EPM2A: variants seen among roughly 807,000 people sequenced by gnomAD.
The protein encoded by EPM2A is EPM2A glucan phosphatase, laforin, also known as laforin.
In EPM2A, 21 loss-of-function variants were observed where a neutral mutation model predicts 26.5. That is an observed-to-expected ratio of 0.79 (90% CI 0.56 to 1.14). The LOEUF (loss-of-function observed/expected upper bound fraction) is 1.14. Ranked by LOEUF, EPM2A falls within the 50% of genes most tolerant of loss-of-function variation. The pLI, the probability that EPM2A is intolerant of heterozygous loss-of-function variation, is 0.00. For missense variants in EPM2A, 458 were observed against 440.8 expected, an observed-to-expected ratio of 1.04 and a Z score of -0.35; for synonymous variants, 217 against 177.6, an observed-to-expected ratio of 1.22 and a Z score of -1.76.
chr6:145,505,793 A>G (rs759031751), intron 2 of EPM2A, among the ~76,000 whole-genome samples: 3 of 152,356 alleles, frequency 2.0e-5, no homozygotes. Context: ...ATTATAATGC[A>G]TCACCAAGAT....
chr6:145,407,137 T>C (rs1283961790), intron 4 of EPM2A, among the ~76,000 whole-genome samples: 1 of 152,044 alleles, frequency 6.6e-6, no homozygotes, highest in East Asian at 1.9e-4. Context: ...GTTTTCCAAA[T>C]TTGAAAAAGA....
intron 4 of EPM2A, among the ~76,000 whole-genome samples, chr6:145,432,661 T>C (rs547953278): frequency 1.3e-5 from 2 of 152,320 alleles, no homozygotes; most frequent in East Asian, 3.9e-4. Flanking sequence ...AGTTTTAGAA[T>C]GGTAAATGAG....
intron 2 of EPM2A, among the ~76,000 whole-genome samples, chr6:145,556,112 C>T (rs1173293180): frequency 2.0e-5 from 3 of 152,142 alleles, no homozygotes; most frequent in East Asian, 3.9e-4. Flanking sequence ...AAAAACAACA[C>T]ATTTTTACAC....
At chr6:145,547,287 C>T (rs1370905021) in intron 2 of EPM2A, among the ~76,000 whole-genome samples, 3 of 152,106 alleles carry the variant, frequency 2.0e-5, no homozygotes, top group African/African-American at 4.8e-5. Context: ...CACTCCATCT[C>T]CTTGGTCTTT....
At chr6:145,402,749 T>C (rs1179029420) in intron 4 of EPM2A, among the ~76,000 whole-genome samples, 1 of 152,178 alleles carries the variant, frequency 6.6e-6, no homozygotes, top group African/African-American at 2.4e-5. Flanking sequence ...GTGAATTCTT[T>C]GTATTATTCT....
At chr6:145,535,858 C>T (rs1780423980) in intron 2 of EPM2A, among the ~76,000 whole-genome samples, 1 of 152,182 alleles carries the variant, frequency 6.6e-6, no homozygotes. Flanking sequence ...TTACCTTTTC[C>T]AAATTGACTT....
intron 2 of EPM2A, among the ~76,000 whole-genome samples, chr6:145,585,075 C>T (rs1781170669): frequency 6.6e-6 from 1 of 152,028 alleles, no homozygotes; most frequent in Admixed American, 6.5e-5. Context: ...ATATATATTC[C>T]AACATTCTTT....
chr6:145,706,021 G>A (rs928726227), intron 1 of EPM2A: 18 of 445,744 alleles, frequency 4.0e-5, no homozygotes, highest in African/African-American at 3.0e-4. Flanking sequence ...TAGAAGGCTG[G>A]AAGACTTGGA....
At chr6:145,732,201 T>TGTGTGTG (rs1776522035) in intron 1 of EPM2A, among the ~76,000 whole-genome samples, 1 of 138,462 alleles carries the variant, frequency 7.2e-6, no homozygotes, top group African/African-American at 2.8e-5. Context: ...CAGCTAAGAC[T>TGTGTGTG]TGTGTGTGTG....
intron 3 of EPM2A, among the ~76,000 whole-genome samples, chr6:145,502,202 T>A (rs973541836): frequency 6.6e-6 from 1 of 152,216 alleles, no homozygotes; most frequent in Non-Finnish European, 1.5e-5. Flanking sequence ...TGAAGGAGAT[T>A]ATTTAGAAAA....
intron 2 of EPM2A, among the ~76,000 whole-genome samples, chr6:145,515,220 C>G (rs996504763): frequency 6.6e-6 from 1 of 152,154 alleles, no homozygotes; most frequent in Non-Finnish European, 1.5e-5. Flanking sequence ...ATCATGACGT[C>G]TCTAGAACTG....
intron 2 of EPM2A, among the ~76,000 whole-genome samples, chr6:145,542,480 G>C (rs1008696286): frequency 6.6e-6 from 1 of 152,150 alleles, no homozygotes; most frequent in Admixed American, 6.5e-5. Context: ...AACATATGCA[G>C]GTGAAAATAG....
In EPM2A at chr6:145,735,370, G is replaced by T; in HGVS notation, c.129C>A (p.Ala43=). The change falls in exon 1 of 4, where the codon GCC becomes GCA. Residue 43 remains alanine (A), a synonymous_variant. Transcript: ENST00000367519. ...GGGCCCCGTCGCCCGCCGCGGTGCCGGCCGGCCTCAGGCGGACGGCACCGC... is the reference window on the plus strand; with the variant it reads ...GGGCCCCGTCGCCCGCCGCGGTGCCTGCCGGCCTCAGGCGGACGGCACCGC... ...EPRGAVRLRP[A]GTAAGDGALA... 2 of 1,250,824 alleles carry T rather than the reference G, an allele frequency of 1.6e-6. No individual in the cohort carries two copies. Among genetic ancestry groups the T allele is most frequent in the Non-Finnish European group, 2.0e-6 (2 of 1,001,144 alleles). The allele number at this position is 1,250,824 out of a possible 1,614,324, so 77.5% of individuals were successfully genotyped here.
At chr6:145,402,859 T>C (rs981479167) in intron 4 of EPM2A, among the ~76,000 whole-genome samples, 4 of 152,168 alleles carry the variant, frequency 2.6e-5, no homozygotes, top group African/African-American at 9.7e-5. Flanking sequence ...TCTCTACATA[T>C]GTCTGAGTTA....
At chr6:145,728,750 T>C (rs1215195929) in intron 1 of EPM2A, among the ~76,000 whole-genome samples, 1 of 152,108 alleles carries the variant, frequency 6.6e-6, no homozygotes, top group Non-Finnish European at 1.5e-5. Context: ...GAAAAACCCA[T>C]TTTTAGGGAG....
chr6:145,502,553 C>T, exon 3 of EPM2A: 1 of 470,820 alleles, frequency 2.1e-6, no homozygotes, highest in South Asian at 1.5e-5. Flanking sequence ...CCGAGCAGCA[C>T]ATGTCAGCTG....
chr6:145,594,380 T>A (rs1781312986), intron 2 of EPM2A, among the ~76,000 whole-genome samples: 1 of 151,880 alleles, frequency 6.6e-6, no homozygotes, highest in Non-Finnish European at 1.5e-5. Context: ...AGTATTACAG[T>A]AAGAAATGAT....
intron 2 of EPM2A, among the ~76,000 whole-genome samples, chr6:145,567,426 C>T (rs555475182): frequency 6.6e-6 from 1 of 152,278 alleles, no homozygotes; most frequent in Non-Finnish European, 1.5e-5. Context: ...AAGTCAAGTG[C>T]AATGTAGGTT....
At chr6:145,518,961 G>GT (rs1780168463) in intron 2 of EPM2A, among the ~76,000 whole-genome samples, 2 of 152,174 alleles carry the variant, frequency 1.3e-5, no homozygotes, top group African/African-American at 4.8e-5. Context: ...AAAGAGTAAA[G>GT]TTTGAGTCCA....
Sources: allele counts gnomAD v4.1 joint callset (sites outside exome capture counted in the v4.1 genomes callset), GRCh38; gene constraint gnomAD v4.1.1; transcripts MANE v1.5; gene names NCBI Gene and HGNC (gene_info 2026-07-23, HGNC 2026-07-21).